IPCEF1: variants seen among roughly 807,000 people sequenced by gnomAD.
IPCEF1 encodes interaction protein for cytohesin exchange factors 1.
A neutral mutation model predicts 50.9 loss-of-function variants in IPCEF1; 31 were observed. The ratio of observed to expected loss-of-function variants is 0.61; its 90% confidence interval spans 0.46 to 0.82. The LOEUF is 0.82. Ranked by LOEUF, IPCEF1 falls within the 40% of genes least tolerant of loss-of-function variation. The pLI is 0.00. For synonymous variants in IPCEF1, 181 were observed against 192.0 expected, an observed-to-expected ratio of 0.94 and a Z score of 0.47; for missense variants, 458 against 514.0, an observed-to-expected ratio of 0.89 and a Z score of 1.05.
chr6:154,160,103 T>C (rs1476133573), intron 11 of IPCEF1, 63 bp from the exon 12 acceptor site: 1 of 1,269,168 alleles, frequency 7.9e-7, no homozygotes, highest in Middle Eastern at 2.7e-4. Flanking sequence ...ACATAAACCA[T>C]CTTTACCAAC....
chr6:154,316,195 C>T (rs1482397514), intron 1 of IPCEF1, among the ~76,000 whole-genome samples: 4 of 129,354 alleles, frequency 3.1e-5, no homozygotes, highest in African/African-American at 1.6e-4. Context: ...TTAGGTAACA[C>T]TGTAAAATTG....
chr6:154,332,659 C>T (rs190109955), intron 1 of IPCEF1, among the ~76,000 whole-genome samples: 1 of 152,252 alleles, frequency 6.6e-6, no homozygotes, highest in African/African-American at 2.4e-5. Flanking sequence ...ATTAAGAGTG[C>T]TCTCTCCCTG....
At chr6:154,200,664 C>A (rs796899) in intron 9 of IPCEF1, among the ~76,000 whole-genome samples, 1 of 151,948 alleles carries the variant, frequency 6.6e-6, no homozygotes, top group Non-Finnish European at 1.5e-5. Context: ...GAGATTGCAG[C>A]GAGCTAAGAT....
Position 154,159,471 on chromosome 6 carries a change from A to G in IPCEF1, c.*357T>C. ...TGAAAAACAGAATGTTTCCATGGGC[A>G]ATTACTCCTGGTAAAATTTGATTCT... On this transcript the variant is annotated 3_prime_UTR_variant, in exon 12 of 12. Coordinates refer to ENST00000367220, the MANE Select transcript of IPCEF1 (RefSeq NM_001130700.2). 4.1e-6 allele frequency: 1 copy of G among 245,618 alleles called. No individual in the cohort carries two copies. Among genetic ancestry groups the G allele is most frequent in the Non-Finnish European group, 7.7e-6 (1 of 129,816 alleles). 15.2% of individuals were successfully genotyped at this position (245,618 alleles called of 1,614,324 possible).
intron 2 of IPCEF1, among the ~76,000 whole-genome samples, chr6:154,284,081 T>G (rs1782294815): frequency 6.6e-6 from 1 of 152,214 alleles, no homozygotes; most frequent in Non-Finnish European, 1.5e-5. Flanking sequence ...TAGCTTGATA[T>G]CCCTTGAATT....
intron 1 of IPCEF1, among the ~76,000 whole-genome samples, chr6:154,349,163 A>G (rs2128701224): frequency 6.6e-6 from 1 of 150,748 alleles, no homozygotes; most frequent in East Asian, 1.9e-4. Flanking sequence ...TTCCTTTCTC[A>G]GAGGTTTGTA....
rs200111110 is a variant in IPCEF1 at position 154,295,919 on chromosome 6, A to G, written c.-61-6163T>C. 1.3e-3 allele frequency among the ~76,000 whole-genome samples: 187 copies of G among 141,542 alleles called. No homozygotes were observed. In the East Asian group the frequency reaches 0.015, roughly 12 times the overall value. The allele number at this position is 141,542 out of a possible 152,430, so 92.9% of individuals were successfully genotyped here. A position where few individuals can be genotyped will look rare whatever the true frequency, so the allele number is the denominator to read the frequency against. Reference sequence around the variant, plus strand: ...TACACACACACACACACGCACACACACACACACACACACACACTCTTAGCA... The same window carrying G: ...TACACACACACACACACGCACACACGCACACACACACACACACTCTTAGCA... On this transcript the variant is annotated intron_variant, in intron 1 of 11. Transcript: ENST00000367220.
chr6:154,247,425 A>AAGAAACAAAAG lies in IPCEF1; in HGVS notation c.76+13_76+23dup, dbSNP rs750892360. ...ACTCAACGTACACAAAATGGAGATAAAGAAACAAAAGAGATCTAATTACCT... is the reference window on the plus strand; with the variant it reads ...ACTCAACGTACACAAAATGGAGATAAAGAAACAAAAGAGAAACAAAAGAGATCTAATTACCT... On this transcript the variant is annotated intron_variant, in intron 4 of 11. Transcript: ENST00000367220. 3.1e-6 allele frequency: 5 copies of AAGAAACAAAAG among 1,601,418 alleles called. No homozygotes were observed. The East Asian group carries it at 1.1e-4, about 36-fold the overall frequency.
chr6:154,234,349 G>GAAATTTATT (rs1779951479), intron 5 of IPCEF1, among the ~76,000 whole-genome samples: 1 of 152,186 alleles, frequency 6.6e-6, no homozygotes, highest in African/African-American at 2.4e-5. Context: ...TTGCTAAGGA[G>GAAATTTATT]AACTTTATTA....
chr6:154,229,954 G>A (rs1227367211), intron 5 of IPCEF1, among the ~76,000 whole-genome samples: 3 of 152,172 alleles, frequency 2.0e-5, no homozygotes, highest in African/African-American at 7.2e-5. Flanking sequence ...AAGTGAAAGT[G>A]AAACACAAGC....
At chr6:154,180,593 A>G (rs191387978) in intron 10 of IPCEF1, among the ~76,000 whole-genome samples, 1 of 152,048 alleles carries the variant, frequency 6.6e-6, no homozygotes, top group East Asian at 1.9e-4. Flanking sequence ...GGCATGCCCC[A>G]GTAGGCCCAG....
chr6:154,344,770 T>G (rs1783993052), intron 1 of IPCEF1, among the ~76,000 whole-genome samples: 1 of 152,184 alleles, frequency 6.6e-6, no homozygotes, highest in African/African-American at 2.4e-5. Context: ...CAGAAGTTAT[T>G]ATTCAACTTT....
intron 10 of IPCEF1, among the ~76,000 whole-genome samples, chr6:154,182,422 T>C (rs905664924): frequency 6.6e-6 from 1 of 152,216 alleles, no homozygotes; most frequent in Non-Finnish European, 1.5e-5. Context: ...GAAATAATCT[T>C]AAGTTGACTC....
intron 10 of IPCEF1, among the ~76,000 whole-genome samples, chr6:154,199,080 T>A (rs1362117599): frequency 6.6e-6 from 1 of 152,224 alleles, no homozygotes; most frequent in East Asian, 1.9e-4. Context: ...CACAATTAAT[T>A]CTTTCCTTTG....
intron 3 of IPCEF1, among the ~76,000 whole-genome samples, chr6:154,264,268 G>A: frequency 6.6e-6 from 1 of 151,702 alleles, no homozygotes. Flanking sequence ...TCATTTGTTG[G>A]TCACTCTCCA....
chr6:154,304,394 C>T (rs1224398997), intron 1 of IPCEF1, among the ~76,000 whole-genome samples: 2 of 152,150 alleles, frequency 1.3e-5, no homozygotes, highest in Non-Finnish European at 2.9e-5. Context: ...AAATCACTCT[C>T]TTTTTCAATT....
chr6:154,314,867 C>T (rs1783173325), intron 1 of IPCEF1, among the ~76,000 whole-genome samples: 1 of 151,208 alleles, frequency 6.6e-6, no homozygotes, highest in Non-Finnish European at 1.5e-5. Context: ...GTAAAGATGG[C>T]TTCACTAGTG....
intron 5 of IPCEF1, among the ~76,000 whole-genome samples, chr6:154,238,933 A>ATT (rs1780359471): frequency 6.7e-6 from 1 of 149,914 alleles, no homozygotes; most frequent in African/African-American, 2.4e-5. Context: ...TTTTTTTTAA[A>ATT]AAAAAAAAGA....
chr6:154,314,939 G>T (rs1267228495), intron 1 of IPCEF1, among the ~76,000 whole-genome samples: 2 of 148,688 alleles, frequency 1.3e-5, no homozygotes, highest in Non-Finnish European at 1.5e-5. Context: ...GGAATGCAGT[G>T]ACACAATCTC....
Sources: allele counts gnomAD v4.1 joint callset (sites outside exome capture counted in the v4.1 genomes callset), GRCh38; gene constraint gnomAD v4.1.1; transcripts MANE v1.5; gene names NCBI Gene and HGNC (gene_info 2026-07-23, HGNC 2026-07-21).